The following PLXDC2 variants were observed in gnomAD, a reference collection of about 807,000 sequenced individuals.
PLXDC2 encodes plexin domain-containing protein 2.
PLXDC2 carries 40 observed loss-of-function variants against 68.9 expected under a neutral mutation model. The observed-to-expected ratio is 0.58, with a 90% confidence interval of 0.45 to 0.76. The LOEUF is 0.76. Among genes scored for constraint, PLXDC2 ranks in the 30% least tolerant of loss-of-function variants. PLXDC2 has a pLI of 0.00. For missense variants in PLXDC2, 644 were observed against 661.9 expected, an observed-to-expected ratio of 0.97 and a Z score of 0.30; for synonymous variants, 243 against 234.2, an observed-to-expected ratio of 1.04 and a Z score of -0.34.
intron 2 of PLXDC2, among the ~76,000 whole-genome samples, chr10:20,033,022 G>A (rs901049256): frequency 1.4e-5 from 2 of 139,628 alleles, no homozygotes; most frequent in South Asian, 2.4e-4. Context: ...ATCACACACC[G>A]GGGCCTGTTG....
In PLXDC2 at chr10:20,282,390, G is replaced by C. The variant is rs988160805; in HGVS notation, c.*2571G>C. 1 of 152,062 alleles carries C rather than the reference G, an allele frequency of 6.6e-6. No individual in the cohort carries two copies. The highest frequency in any genetic ancestry group is 2.4e-5 in the African/African-American group (1 of 41,398). The allele number at this position is 152,062 out of a possible 1,614,324, so 9.4% of individuals were successfully genotyped here. ...AATGCTTTGGACTTTACATAATTAT[G>C]TATTAGAGAAGGTGCAACTGTACAT... On this transcript the variant is annotated 3_prime_UTR_variant, in exon 14 of 14. Coordinates refer to ENST00000377252, the MANE Select transcript of PLXDC2 (RefSeq NM_032812.9).
At chr10:20,192,074 A>C (rs1834774087) in intron 9 of PLXDC2, among the ~76,000 whole-genome samples, 1 of 152,054 alleles carries the variant, frequency 6.6e-6, no homozygotes, top group Non-Finnish European at 1.5e-5. Flanking sequence ...AATTAAGTAA[A>C]TGAGAATTAG....
intron 9 of PLXDC2, among the ~76,000 whole-genome samples, chr10:20,207,505 C>T (rs193299740): frequency 6.6e-5 from 10 of 152,260 alleles, no homozygotes; most frequent in Middle Eastern, 3.4e-3. Flanking sequence ...GCTTTAAGAA[C>T]GATCTGTTCC....
At chr10:19,946,712 C>T (rs56067805) in intron 1 of PLXDC2, among the ~76,000 whole-genome samples, 7,547 of 152,014 alleles carry the variant, frequency 0.05, 245 homozygotes, top group Middle Eastern at 0.095. Flanking sequence ...CTCAACTAGA[C>T]AGTCCCATCG....
intron 2 of PLXDC2, 114 bp from the exon 3 acceptor site, chr10:20,046,755 A>T: frequency 9.5e-7 from 1 of 1,048,164 alleles, no homozygotes; most frequent in Non-Finnish European, 1.3e-6. Context: ...GTATAGTTAA[A>T]TCATTTTGCT....
At chr10:20,236,566 C>A (rs1384853485) in intron 12 of PLXDC2, among the ~76,000 whole-genome samples, 1 of 152,170 alleles carries the variant, frequency 6.6e-6, no homozygotes, top group African/African-American at 2.4e-5. Flanking sequence ...ATCTTGACTG[C>A]TGAAAACATA....
chr10:20,120,161 T>C (rs1400001306), intron 4 of PLXDC2, among the ~76,000 whole-genome samples: 2 of 151,950 alleles, frequency 1.3e-5, no homozygotes. Flanking sequence ...CAGAAGATAG[T>C]AGGGATGACA....
chr10:20,211,413 C>T (rs943371863), intron 9 of PLXDC2, among the ~76,000 whole-genome samples: 1 of 152,110 alleles, frequency 6.6e-6, no homozygotes. Flanking sequence ...GTATTCCGTA[C>T]AGTGCAGTTT....
At chr10:20,008,523 A>G (rs1835062886) in intron 2 of PLXDC2, among the ~76,000 whole-genome samples, 1 of 152,214 alleles carries the variant, frequency 6.6e-6, no homozygotes, top group African/African-American at 2.4e-5. Context: ...ATGACACTCC[A>G]GCCTGGGTGA....
At chr10:19,957,055 C>A (rs937228235) in intron 1 of PLXDC2, among the ~76,000 whole-genome samples, 1 of 152,086 alleles carries the variant, frequency 6.6e-6, no homozygotes, top group Non-Finnish European at 1.5e-5. Flanking sequence ...TAGGGCAACT[C>A]AATTTATGAA....
At chr10:20,239,100 T>C (rs1175191468) in intron 12 of PLXDC2, among the ~76,000 whole-genome samples, 2 of 152,162 alleles carry the variant, frequency 1.3e-5, no homozygotes, top group Non-Finnish European at 2.9e-5. Flanking sequence ...GTTATTTTAA[T>C]ACACAAGGTA....
chr10:20,247,304 A>G (rs1034965388), intron 13 of PLXDC2, among the ~76,000 whole-genome samples: 7 of 151,466 alleles, frequency 4.6e-5, no homozygotes, highest in Non-Finnish European at 7.4e-5. Context: ...TACAAAAAAA[A>G]AAAAAAAGAA....
At chr10:20,267,617 G>C (rs899214985) in intron 13 of PLXDC2, among the ~76,000 whole-genome samples, 5 of 152,074 alleles carry the variant, frequency 3.3e-5, no homozygotes, top group Admixed American at 3.3e-4. Flanking sequence ...AAATTTGAGG[G>C]ATTCCTTTAT....
At chr10:19,937,944 A>G (rs1385521981) in intron 1 of PLXDC2, among the ~76,000 whole-genome samples, 2 of 152,114 alleles carry the variant, frequency 1.3e-5, no homozygotes, top group African/African-American at 2.4e-5. Flanking sequence ...TATCAGTGGT[A>G]ATCATGGCTT....
intron 1 of PLXDC2, among the ~76,000 whole-genome samples, chr10:19,878,561 T>A (rs564753963): frequency 6.6e-6 from 1 of 152,326 alleles, no homozygotes; most frequent in South Asian, 2.1e-4. Flanking sequence ...ACTATAGTAG[T>A]CAATTCTAGG....
At chr10:19,860,867 T>C (rs1281316644) in intron 1 of PLXDC2, among the ~76,000 whole-genome samples, 3 of 152,170 alleles carry the variant, frequency 2.0e-5, no homozygotes, top group Non-Finnish European at 4.4e-5. Flanking sequence ...GTTTATCTAA[T>C]CTTCTTTACT....
chr10:20,013,992 C>T (rs1835160209), intron 2 of PLXDC2, among the ~76,000 whole-genome samples: 2 of 152,082 alleles, frequency 1.3e-5, no homozygotes, highest in Admixed American at 1.3e-4. Flanking sequence ...TATAAGTATT[C>T]ATTAGAAATT....
At chr10:19,950,758 C>T (rs1347889212) in intron 1 of PLXDC2, among the ~76,000 whole-genome samples, 7 of 151,960 alleles carry the variant, frequency 4.6e-5, no homozygotes, top group East Asian at 1.9e-4. Flanking sequence ...ACATAGTATA[C>T]GGCTACAGTA....
At position 20,046,971 on chromosome 10, in the gene PLXDC2, G is replaced by A. The variant is rs866235645; in HGVS notation, c.427G>A (p.Val143Met). 1 of 1,612,160 alleles carries A rather than the reference G, an allele frequency of 6.2e-7. No individual in the cohort carries two copies. Among genetic ancestry groups the A allele is most frequent in the Admixed American group, 1.7e-5 (1 of 59,654 alleles). Residue 143 changes from valine to methionine, a missense_variant, in exon 3 of 14, where the codon GTG becomes ATG. By Grantham distance (21) the Val-to-Met change is conservative. Coordinates refer to ENST00000377252, the MANE Select transcript of PLXDC2 (RefSeq NM_032812.9). ...VNIDQMEKDK[V>M]KIHGILSNTH... ...CATAGACCAAATGGAAAAAGATAAA[G>A]TGAAGATTCATGGAATATTGTCCAA...
Sources: allele counts gnomAD v4.1 joint callset (sites outside exome capture counted in the v4.1 genomes callset), GRCh38; gene constraint gnomAD v4.1.1; transcripts MANE v1.5; gene names NCBI Gene and HGNC (gene_info 2026-07-23, HGNC 2026-07-21).